Variants in PROZ observed in about 807,000 individuals in gnomAD.
The protein encoded by PROZ is vitamin K-dependent protein Z.
In PROZ, 46 loss-of-function variants were observed where a neutral mutation model predicts 34.9. The ratio of observed to expected loss-of-function variants is 1.32; its 90% CI spans 1.04 to 1.69. The LOEUF (loss-of-function observed/expected upper bound fraction) is 1.69, where lower values mean the gene tolerates loss of function less well. Among genes scored for constraint, PROZ ranks in the 40% most tolerant of loss-of-function variants. PROZ has a pLI of 0.00. For missense variants in PROZ, 530 were observed against 520.4 expected (o/e 1.02, Z -0.18); for synonymous variants, 195 against 208.5 (o/e 0.94, Z 0.56).
intron 2 of PROZ, among the ~76,000 whole-genome samples, chr13:113,160,527 C>A (rs1158810060): frequency 6.6e-6 from 1 of 152,194 alleles, no homozygotes; most frequent in African/African-American, 2.4e-5. Flanking sequence ...AACTAAGTGT[C>A]CCCACTCCCT....
chr13:113,165,201 C>A, intron 6 of PROZ, 81 bp downstream of exon 6: 1 of 1,411,072 alleles, frequency 7.1e-7, no homozygotes. Context: ...GAAATGTTGA[C>A]AACTAAGTGA....
intron 7 of PROZ, 26 bp downstream of exon 7, chr13:113,170,556 T>C: frequency 7.4e-7 from 1 of 1,347,540 alleles, no homozygotes; most frequent in East Asian, 2.3e-5. Context: ...TGAGTTTTTA[T>C]AAAACCACAT....
intron 6 of PROZ, among the ~76,000 whole-genome samples, chr13:113,169,450 CA>C (rs1241207340): frequency 6.6e-6 from 1 of 152,200 alleles, no homozygotes; most frequent in Non-Finnish European, 1.5e-5. Flanking sequence ...TTATGGGTCA[CA>C]TTTTCCTGTT....
Position 113,159,543 on chromosome 13 carries a change from G to A in PROZ, c.71-471G>A, listed in dbSNP as rs2036724978. ...ACCACTGCCGCGGGTCAACTCATTTGCCTTCTCCTCCTGGAAATCGCAGAG... is the reference window on the plus strand; with the variant it reads ...ACCACTGCCGCGGGTCAACTCATTTACCTTCTCCTCCTGGAAATCGCAGAG... On this transcript the variant is annotated intron_variant, in intron 1 of 7. Coordinates refer to ENST00000375547, the MANE Select transcript of PROZ (RefSeq NM_003891.3). This position sits in a 1 kb window ranked among gnomAD's most constrained non-coding sequence, Gnocchi z 4.6. 6.6e-6 allele frequency among the ~76,000 whole-genome samples: 1 copy of A among 152,224 alleles called. No individual in the cohort carries two copies. Among genetic ancestry groups the A allele is most frequent in the Non-Finnish European group, 1.5e-5 (1 of 68,038 alleles).
chr13:113,171,824 A>C lies in PROZ; in HGVS notation c.922A>C (p.Thr308Pro). 6.2e-7 allele frequency: 1 copy of C among 1,613,594 alleles called. No homozygotes were observed. Among genetic ancestry groups the C allele is most frequent in the Non-Finnish European group, 8.5e-7 (1 of 1,180,020 alleles). ...GLLSGWARNG[T>P]DLGNSLTTRP... ...CCTCAGCGGCTGGGCACGCAATGGCACTGACCTGGGCAACTCGCTGACCAC... is the reference window on the plus strand; with the variant it reads ...CCTCAGCGGCTGGGCACGCAATGGCCCTGACCTGGGCAACTCGCTGACCAC... Residue 308 changes from threonine (T) to proline (P), a missense_variant, in exon 8 of 8, where the codon ACT (threonine) becomes CCT (proline). Physicochemically the swap from Thr to Pro is conservative, Grantham distance 38 (BLOSUM62 -1). Transcript: ENST00000375547. This position sits in a 1 kb window ranked among gnomAD's most constrained non-coding sequence, Gnocchi z 5.1.
At chr13:113,168,510 C>T (rs1238999358) in intron 6 of PROZ, among the ~76,000 whole-genome samples, 1 of 152,252 alleles carries the variant, frequency 6.6e-6, no homozygotes, top group Non-Finnish European at 1.5e-5. Context: ...TGCCACAAGA[C>T]GGCTCCCATC....
chr13:113,171,763 C>G lies in PROZ; in HGVS notation c.861C>G (p.Phe287Leu). ...CCGTGTGCACCCCTGAGAAAGACTT[C>G]GCTGAGCACCTCCTCATCCCACGCA... ...GLPVCTPEKD[F>L]AEHLLIPRTR... The change falls in exon 8 of 8, where the codon TTC becomes TTG. Residue 287 changes from phenylalanine (F) to leucine (L), a missense_variant. Transcript: ENST00000375547. This position sits in a 1 kb window ranked among gnomAD's most constrained non-coding sequence, Gnocchi z 5.1. 6.2e-7 allele frequency: 1 copy of G among 1,612,064 alleles called. No homozygotes were observed. The highest frequency in any genetic ancestry group is 8.5e-7 in the Non-Finnish European group (1 of 1,178,622).
At chr13:113,167,179 TA>T (rs2036963094) in intron 6 of PROZ, among the ~76,000 whole-genome samples, 1 of 152,208 alleles carries the variant, frequency 6.6e-6, no homozygotes, top group Non-Finnish European at 1.5e-5. Flanking sequence ...GAAGTATCAC[TA>T]AAAGTCTGGC....
chr13:113,170,286 T>A (rs1029618009), intron 6 of PROZ, 127 bp from the exon 7 acceptor site: 6 of 626,888 alleles, frequency 9.6e-6, no homozygotes, highest in Non-Finnish European at 1.7e-5. Context: ...CAAATACGGC[T>A]GTCTGCCTTT....
At position 113,171,772 on chromosome 13, in the gene PROZ, C is replaced by A. The variant is rs757022310; in HGVS notation, c.870C>A (p.His290Gln). ...CCCCTGAGAAAGACTTCGCTGAGCACCTCCTCATCCCACGCACCAGGGGCC... is the reference window on the plus strand; with the variant it reads ...CCCCTGAGAAAGACTTCGCTGAGCAACTCCTCATCCCACGCACCAGGGGCC... ...VCTPEKDFAE[H>Q]LLIPRTRGLL... Residue 290 changes from histidine (H) to glutamine (Q), a missense_variant, in exon 8 of 8, where the codon CAC becomes CAA. His to Gln is a conservative substitution (Grantham distance 24). Coordinates refer to ENST00000375547, the MANE Select transcript of PROZ (RefSeq NM_003891.3). The surrounding 1 kb of genome is among the most constrained non-coding windows in gnomAD (Gnocchi z 5.1). The A allele has an allele frequency of 1.2e-6, 2 of 1,612,584 alleles. No individual in the cohort carries two copies. The highest frequency in any genetic ancestry group is 1.7e-6 in the Non-Finnish European group (2 of 1,179,086).
intron 2 of PROZ, 21 bp downstream of exon 2, chr13:113,160,198 C>G (rs1215170775): frequency 6.2e-7 from 1 of 1,612,416 alleles, no homozygotes; most frequent in East Asian, 2.2e-5. Flanking sequence ...CCACCACAAA[C>G]CACAGGCCTC....
intron 6 of PROZ, among the ~76,000 whole-genome samples, chr13:113,167,779 CATTT>C (rs1457722818): frequency 2.6e-5 from 4 of 152,092 alleles, no homozygotes; most frequent in Admixed American, 2.6e-4. Context: ...GGCCATTTTA[CATTT>C]ATTGTAATTG....
intron 6 of PROZ, among the ~76,000 whole-genome samples, chr13:113,168,196 C>T (rs2037002191): frequency 6.6e-6 from 1 of 152,202 alleles, no homozygotes. Context: ...GGAAAAAAAC[C>T]TTACATATAT....
intron 6 of PROZ, among the ~76,000 whole-genome samples, chr13:113,169,319 C>T (rs1429347737): frequency 2.0e-5 from 3 of 152,148 alleles, no homozygotes; most frequent in South Asian, 2.1e-4. Context: ...TTTAAAAATA[C>T]GTATTTTTGT....
chr13:113,166,032 T>C (rs2036921817), intron 6 of PROZ: 1 of 152,292 alleles, frequency 6.6e-6, no homozygotes, highest in African/African-American at 2.4e-5. Flanking sequence ...TTTGTTATTA[T>C]GGTTTTATAC....
chr13:113,161,389 A>G (rs1194491559), intron 3 of PROZ, among the ~76,000 whole-genome samples: 3 of 152,096 alleles, frequency 2.0e-5, no homozygotes, highest in Non-Finnish European at 2.9e-5. Flanking sequence ...ACTCCTCCCA[A>G]GGGAGGAGCT....
chr13:113,158,784 G>T lies in PROZ; in HGVS notation c.70+54G>T, dbSNP rs2036707536. On this transcript the variant is annotated intron_variant, in intron 1 of 7. Coordinates refer to ENST00000375547, the MANE Select transcript of PROZ (RefSeq NM_003891.3). The surrounding 1 kb of genome is among the most constrained non-coding windows in gnomAD (Gnocchi z 4.3). ...GCCTGTGCTGTGTCTTTCTTGACTC[G>T]GTCCATGGTGGATTTGTAGATGAGG... 6.6e-7 allele frequency: 1 copy of T among 1,510,430 alleles called. No homozygotes were observed. 93.6% of individuals were successfully genotyped at this position (1,510,430 alleles called of 1,614,324 possible).
At position 113,164,042 on chromosome 13, in the gene PROZ, G is replaced by A. The variant is rs192790282; in HGVS notation, c.374-471G>A. On this transcript the variant is annotated intron_variant, in intron 4 of 7. Coordinates refer to ENST00000375547, the MANE Select transcript of PROZ (RefSeq NM_003891.3). The stretch of plus-strand genomic sequence containing the variant: ...TCGCCAGGCTGGAGTGCAGTGACGC[G>A]ATGTCAGCTCACTGCAACCTTTTGC... Among the ~76,000 whole-genome samples, 49 of 151,242 alleles carry A rather than the reference G, an allele frequency of 3.2e-4. 1 individual carries two copies. Among genetic ancestry groups the A allele is most frequent in the Admixed American group, 1.8e-3 (28 of 15,168 alleles).
chr13:113,169,114 C>T (rs2037034814), intron 6 of PROZ, among the ~76,000 whole-genome samples: 2 of 152,096 alleles, frequency 1.3e-5, no homozygotes, highest in Admixed American at 1.3e-4. Flanking sequence ...TGTTTGAAAT[C>T]CCATAGCTCA....
Sources: gnomAD v4.1 joint callset for allele counts (sites outside exome capture counted in the v4.1 genomes callset) on GRCh38, gnomAD v4.1.1 for gene constraint, Gnocchi (gnomAD v3.1) non-coding constraint, MANE v1.5 for transcripts, NCBI Gene and HGNC (gene_info 2026-07-23, HGNC 2026-07-21) for gene names.